ZFHX4: variants seen among roughly 807,000 people sequenced by gnomAD.
ZFHX4 encodes the protein zinc finger homeobox protein 4.
ZFHX4 carries 56 observed loss-of-function variants against 267.6 expected under a neutral mutation model. That is an observed-to-expected ratio of 0.21 (90% CI 0.17 to 0.26). The LOEUF is 0.26. ZFHX4 is among the 10% of genes least tolerant of loss of function. The pLI is 1.00. For missense variants in ZFHX4, 4,332 were observed against 4,420.0 expected (o/e 0.98, Z 0.56); for synonymous variants, 1,778 against 1,665.6 (o/e 1.07, Z -1.64).
Position 76,851,151 on chromosome 8 carries a change from G to A in ZFHX4, c.4230G>A (p.Gln1410=), listed in dbSNP as rs180960162. 3.7e-6 allele frequency: 6 copies of A among 1,613,962 alleles called. No homozygotes were observed. In the Admixed American group the frequency reaches 1.0e-4, roughly 27 times the overall value. ...NHCSLAFKTM[Q]KLQIHSQYHA... ...GTAGCTTGGCTTTCAAAACTATGCA[G>A]AAGCTTCAGATACATTCCCAGTATC... is the stretch of plus-strand genomic sequence containing the variant. Residue 1410 remains glutamine (Q), a synonymous_variant, in exon 10 of 11, where the codon CAG becomes CAA. Transcript: ENST00000651372.
At chr8:76,782,692 A>G (rs1397911106) in intron 4 of ZFHX4, among the ~76,000 whole-genome samples, 1 of 152,126 alleles carries the variant, frequency 6.6e-6, no homozygotes, top group South Asian at 2.1e-4. Flanking sequence ...ATGTCCTGCC[A>G]AAAAGGAAAT....
chr8:76,822,386 G>A (rs906855842), intron 4 of ZFHX4, among the ~76,000 whole-genome samples: 1 of 148,238 alleles, frequency 6.7e-6, no homozygotes, highest in African/African-American at 2.5e-5. Context: ...TTTTATACTT[G>A]TGATTCCAAG....
At chr8:76,832,541 T>C (rs889114649) in intron 4 of ZFHX4, among the ~76,000 whole-genome samples, 1 of 152,082 alleles carries the variant, frequency 6.6e-6, no homozygotes, top group Non-Finnish European at 1.5e-5. Context: ...TTACAGAGGC[T>C]GCTGAAACGG....
rs186870578 is a variant in ZFHX4, at chr8:76,866,473, T to C, written c.*1908T>C. ...TCTTTAATTTGGATTTTTTTTTTTT[T>C]TAGTATTTTAACATTTATTTTAATC... On this transcript the variant is annotated 3_prime_UTR_variant, in exon 11 of 11. Transcript: ENST00000651372. 1 of 152,588 alleles carries C rather than the reference T, an allele frequency of 6.6e-6. No homozygotes were observed. Among genetic ancestry groups the C allele is most frequent in the Admixed American group, 6.5e-5 (1 of 15,276 alleles). The allele number at this position is 152,588 out of a possible 1,614,324, so 9.5% of individuals were successfully genotyped here. A position where few individuals can be genotyped will look rare whatever the true frequency, so the allele number is the denominator to read the frequency against.
intron 3 of ZFHX4, among the ~76,000 whole-genome samples, chr8:76,708,469 T>A (rs1808339839): frequency 6.6e-6 from 1 of 152,162 alleles, no homozygotes; most frequent in African/African-American, 2.4e-5. Context: ...TTTTGTTTGG[T>A]GACAAACAAT....
chr8:76,738,495 A>T (rs1388889196), intron 3 of ZFHX4, among the ~76,000 whole-genome samples: 1 of 152,168 alleles, frequency 6.6e-6, no homozygotes, highest in African/African-American at 2.4e-5. Flanking sequence ...TCACTGAACC[A>T]AAGCCACCGA....
At chr8:76,837,576 G>C (rs1812125103) in intron 5 of ZFHX4, among the ~76,000 whole-genome samples, 1 of 151,526 alleles carries the variant, frequency 6.6e-6, no homozygotes, top group Admixed American at 6.6e-5. Context: ...ATAGGGGCTG[G>C]GGTAGCATGT....
intron 3 of ZFHX4, among the ~76,000 whole-genome samples, chr8:76,737,954 G>A (rs1563493123): frequency 1.3e-5 from 2 of 152,086 alleles, no homozygotes; most frequent in South Asian, 2.1e-4. Context: ...TAAGAATCAG[G>A]ACAGAGATCC....
intron 1 of ZFHX4, chr8:76,682,461 G>T (rs968002906): frequency 6.6e-6 from 1 of 152,390 alleles, no homozygotes; most frequent in African/African-American, 2.4e-5. Context: ...AGGCACTACC[G>T]AGGGCTGCTC....
rs112095416 is a variant in ZFHX4 at position 76,727,419 on chromosome 8, A to C, written c.3093+19371A>C. Among the ~76,000 whole-genome samples the C allele has an allele frequency of 5.4e-3, 828 of 152,282 alleles. 11 individuals are homozygous for C. The highest frequency in any genetic ancestry group is 0.019 in the African/African-American group (777 of 41,568). On this transcript the variant is annotated intron_variant, in intron 3 of 10. Transcript: ENST00000651372. Reference sequence around the variant, plus strand: ...ATAATATAGATTTGCATTATTGCTGAGAACCTTTATCCAGATTTAACAGTA... The same window carrying C: ...ATAATATAGATTTGCATTATTGCTGCGAACCTTTATCCAGATTTAACAGTA...
intron 4 of ZFHX4, among the ~76,000 whole-genome samples, chr8:76,786,016 C>T (rs1810679190): frequency 6.6e-6 from 1 of 152,030 alleles, no homozygotes; most frequent in East Asian, 1.9e-4. Context: ...TGAAACAAAC[C>T]CGTAACGTGG....
At chr8:76,791,791 A>C (rs1341898605) in intron 4 of ZFHX4, among the ~76,000 whole-genome samples, 2 of 152,146 alleles carry the variant, frequency 1.3e-5, no homozygotes, top group Admixed American at 1.3e-4. Context: ...TTCTATGGTT[A>C]GTAATTTTTC....
At chr8:76,690,494 A>G (rs946612168) in intron 1 of ZFHX4, among the ~76,000 whole-genome samples, 1 of 152,066 alleles carries the variant, frequency 6.6e-6, no homozygotes, top group African/African-American at 2.4e-5. Flanking sequence ...TACATTTCCC[A>G]TGGTATTTTC....
rs375729228 is a variant in ZFHX4, at chr8:76,854,848, G to A, written c.7927G>A (p.Gly2643Arg). The A allele has an allele frequency of 2.5e-6, 4 of 1,608,628 alleles. No homozygotes were observed. Among genetic ancestry groups the A allele is most frequent in the Non-Finnish European group, 3.4e-6 (4 of 1,178,376 alleles). The change falls in exon 10 of 11, where the codon GGG (glycine) becomes AGG (arginine). Residue 2643 changes from glycine (G) to arginine (R), a missense_variant. Gly to Arg is a moderately radical substitution (Grantham distance 125). Coordinates refer to ENST00000651372, the MANE Select transcript of ZFHX4 (RefSeq NM_024721.5). Reference sequence around the variant, plus strand: ...GCTTGATCATATTGCCCGCGAAGTCGGGCTGAAAAAAAGGGTCGTGCAAGT... The same window carrying A: ...GCTTGATCATATTGCCCGCGAAGTCAGGCTGAAAAAAAGGGTCGTGCAAGT... ...KMLDHIAREV[G>R]LKKRVVQVWF...
intron 1 of ZFHX4, among the ~76,000 whole-genome samples, chr8:76,697,810 A>G (rs547440623): frequency 6.6e-6 from 1 of 152,124 alleles, no homozygotes; most frequent in African/African-American, 2.4e-5. Context: ...TTTTTTAAGG[A>G]AGAAAAATTA....
chr8:76,784,772 T>G (rs1036111369), intron 4 of ZFHX4, among the ~76,000 whole-genome samples: 6 of 152,104 alleles, frequency 3.9e-5, no homozygotes, highest in African/African-American at 1.4e-4. Context: ...TTTTTAAAAC[T>G]CAAGTGAATT....
chr8:76,768,154 TG>T (rs1037962618), intron 3 of ZFHX4, among the ~76,000 whole-genome samples: 2 of 152,034 alleles, frequency 1.3e-5, no homozygotes. Flanking sequence ...ATGTAAATAA[TG>T]GAGTAAGTTA....
intron 3 of ZFHX4, among the ~76,000 whole-genome samples, chr8:76,731,290 A>T (rs905918151): frequency 2.6e-5 from 4 of 152,216 alleles, no homozygotes; most frequent in Non-Finnish European, 4.4e-5. Flanking sequence ...AAGCCCTTTT[A>T]CAACTAAAAG....
In ZFHX4 at chr8:76,707,532, T is replaced by G. The variant is rs773230535; in HGVS notation, c.2591-14T>G. ...CTAGTCTCTATTTTTCCTTTTAATT[T>G]TTTTTTCCTGTAGTAAATAATGAGC... On this transcript the variant is annotated splice_polypyrimidine_tract_variant and intron_variant, in intron 2 of 10. Coordinates refer to ENST00000651372, the MANE Select transcript of ZFHX4 (RefSeq NM_024721.5). The G allele has an allele frequency of 2.7e-6, 4 of 1,503,566 alleles. No individual in the cohort carries two copies. The African/African-American group carries it at 5.6e-5, about 21-fold the overall frequency. 93.1% of individuals were successfully genotyped at this position (1,503,566 alleles called of 1,614,324 possible).
Sources: gnomAD v4.1 joint callset for allele counts (sites outside exome capture counted in the v4.1 genomes callset) on GRCh38, gnomAD v4.1.1 for gene constraint, MANE v1.5 for transcripts, NCBI Gene and HGNC (gene_info 2026-07-23, HGNC 2026-07-21) for gene names.